CYSTM1: variants seen among roughly 807,000 people sequenced by gnomAD.
CYSTM1 encodes the protein cysteine rich transmembrane module containing 1.
A neutral mutation model predicts 13.1 loss-of-function variants in CYSTM1; 4 were observed. That is an observed-to-expected ratio of 0.31 (90% confidence interval 0.15 to 0.70). The LOEUF is 0.70. CYSTM1 is among the 30% of genes least tolerant of loss of function. The probability of loss-of-function intolerance (pLI) is 0.72; values close to 1 mark genes in which losing one functional copy is unlikely to be tolerated. For missense variants in CYSTM1, 96 were observed against 121.6 expected, an observed-to-expected ratio of 0.79 and a Z score of 0.99; for synonymous variants, 36 against 42.7, an observed-to-expected ratio of 0.84 and a Z score of 0.62.
In CYSTM1 at chr5:140,182,656, CCCAAACTACTTTGAGTT is replaced by C. The variant is rs1201080134; in HGVS notation, c.-21+7374_-21+7390del. Among the ~76,000 whole-genome samples the C allele has an allele frequency of 7.3e-5, 11 of 151,420 alleles. No homozygotes were observed. The East Asian group carries it at 2.1e-3, about 29-fold the overall frequency. Reference sequence around the variant, plus strand: ...TTTTTTTTTTTTAACTCATCAATAACCCAAACTACTTTGAGTTCCTTTCACATATAGAGAACTGTTTG... The same window carrying C: ...TTTTTTTTTTTTAACTCATCAATAACCCTTTCACATATAGAGAACTGTTTG... On this transcript the variant is annotated intron_variant, in intron 1 of 2. Coordinates refer to ENST00000261811, the MANE Select transcript of CYSTM1 (RefSeq NM_032412.4).
chr5:140,217,618 C>T (rs949423707), intron 2 of CYSTM1, among the ~76,000 whole-genome samples: 3 of 152,248 alleles, frequency 2.0e-5, no homozygotes, highest in South Asian at 2.1e-4. Context: ...ATTCAGAGTA[C>T]GCCAAGATCT....
chr5:140,209,536 TC>T (rs1764338673), intron 2 of CYSTM1, among the ~76,000 whole-genome samples: 1 of 152,112 alleles, frequency 6.6e-6, no homozygotes, highest in South Asian at 2.1e-4. Context: ...TTCAAGCGAT[TC>T]TCCTGCCTCA....
chr5:140,176,759 T>G (rs908639165), intron 1 of CYSTM1, among the ~76,000 whole-genome samples: 3 of 152,156 alleles, frequency 2.0e-5, no homozygotes, highest in Non-Finnish European at 4.4e-5. Context: ...ATACTATTTG[T>G]TGATTGTAGA....
chr5:140,243,180 G>T (rs532081033), intron 2 of CYSTM1, 125 bp from the exon 3 acceptor site: 3 of 739,352 alleles, frequency 4.1e-6, no homozygotes, highest in African/African-American at 3.5e-5. Context: ...GCAGGAACAC[G>T]GTTTCACCAG....
chr5:140,225,439 A>G (rs1764537430), intron 2 of CYSTM1, among the ~76,000 whole-genome samples: 1 of 152,220 alleles, frequency 6.6e-6, no homozygotes, highest in African/African-American at 2.4e-5. Flanking sequence ...GTCAGGATAC[A>G]GGAGGTGTCT....
chr5:140,186,045 T>C lies in CYSTM1; in HGVS notation c.-20-8401T>C, dbSNP rs115972917. Among the ~76,000 whole-genome samples the C allele has an allele frequency of 1.2e-3, 180 of 152,352 alleles. 4 individuals are homozygous for C. The highest frequency in any genetic ancestry group is 1.5e-3 in the Admixed American group (23 of 15,302). ...CTTAAAATTTGGAAAACTTCCAGCA[T>C]ATTCCATCTGATGCAATAGCAGACA... On this transcript the variant is annotated intron_variant, in intron 1 of 2. Coordinates refer to ENST00000261811, the MANE Select transcript of CYSTM1 (RefSeq NM_032412.4).
At chr5:140,214,174 C>T (rs1486910369) in intron 2 of CYSTM1, among the ~76,000 whole-genome samples, 1 of 152,214 alleles carries the variant, frequency 6.6e-6, no homozygotes, top group Admixed American at 6.5e-5. Flanking sequence ...AGGTCCAGCA[C>T]TTCAATGATG....
intron 2 of CYSTM1, 137 bp downstream of exon 2, chr5:140,194,789 A>T (rs1764135988): frequency 9.0e-7 from 1 of 1,109,108 alleles, no homozygotes; most frequent in Non-Finnish European, 1.3e-6. Context: ...ATGATGGCTT[A>T]GGGTGGATTC....
intron 2 of CYSTM1, among the ~76,000 whole-genome samples, chr5:140,212,555 C>T (rs1170513164): frequency 6.6e-6 from 1 of 152,130 alleles, no homozygotes; most frequent in Non-Finnish European, 1.5e-5. Flanking sequence ...GATCCTCCCA[C>T]CTCAGCCTCC....
intron 2 of CYSTM1, among the ~76,000 whole-genome samples, chr5:140,203,932 C>T (rs1764259379): frequency 6.6e-6 from 1 of 152,108 alleles, no homozygotes; most frequent in Admixed American, 6.6e-5. Context: ...AGACAGGAAC[C>T]GTGAATAGAT....
At chr5:140,242,545 C>T (rs1479828135) in intron 2 of CYSTM1, among the ~76,000 whole-genome samples, 1 of 152,152 alleles carries the variant, frequency 6.6e-6, no homozygotes, top group Non-Finnish European at 1.5e-5. Context: ...AAAATATGTC[C>T]TTATGGGAAG....
intron 1 of CYSTM1, among the ~76,000 whole-genome samples, chr5:140,190,969 T>C (rs1378701500): frequency 1.3e-5 from 2 of 152,234 alleles, no homozygotes; most frequent in African/African-American, 4.8e-5. Flanking sequence ...TATCATACCT[T>C]AAATTTAAAG....
chr5:140,226,287 A>C (rs1325828064), intron 2 of CYSTM1, among the ~76,000 whole-genome samples: 1 of 151,386 alleles, frequency 6.6e-6, no homozygotes, highest in Non-Finnish European at 1.5e-5. Flanking sequence ...TTACATGGCC[A>C]GTGAGTAGAT....
At chr5:140,235,722 C>T (rs1764673773) in intron 2 of CYSTM1, among the ~76,000 whole-genome samples, 1 of 152,166 alleles carries the variant, frequency 6.6e-6, no homozygotes, top group African/African-American at 2.4e-5. Context: ...ACATTTTGTC[C>T]TCTTCTCAAG....
chr5:140,192,950 G>C (rs1377174349), intron 1 of CYSTM1, among the ~76,000 whole-genome samples: 1 of 152,182 alleles, frequency 6.6e-6, no homozygotes, highest in African/African-American at 2.4e-5. Flanking sequence ...TGGATGTTGT[G>C]TGGGCAACCA....
chr5:140,201,117 C>G (rs1294924450), intron 2 of CYSTM1: 3 of 152,226 alleles, frequency 2.0e-5, no homozygotes, highest in Middle Eastern at 3.4e-3. Flanking sequence ...TACTTTATGG[C>G]TATTAGGAAT....
rs1354453874 is a variant in CYSTM1, at chr5:140,243,243, A to AC, written c.188-61dup. On this transcript the variant is annotated intron_variant, in intron 2 of 2. Coordinates refer to ENST00000261811, the MANE Select transcript of CYSTM1 (RefSeq NM_032412.4). ...GCCTTCCTGTGGTCCTGGGAGGCTA[A>AC]CTTTGCAGGGCCTGGGGTTTGCACC... is the stretch of plus-strand genomic sequence containing the variant. 35 of 1,452,950 alleles carry AC rather than the reference A, an allele frequency of 2.4e-5. No homozygotes were observed. The Middle Eastern group carries it at 7.0e-4, about 29-fold the overall frequency. The allele number at this position is 1,452,950 out of a possible 1,614,324, so 90.0% of individuals were successfully genotyped here.
intron 2 of CYSTM1, among the ~76,000 whole-genome samples, chr5:140,214,814 C>T (rs1322435228): frequency 2.6e-5 from 4 of 152,214 alleles, no homozygotes; most frequent in African/African-American, 4.8e-5. Flanking sequence ...GCTAACCAGG[C>T]ATTGTCGGGA....
At chr5:140,236,767 C>T (rs1338112140) in intron 2 of CYSTM1, among the ~76,000 whole-genome samples, 1 of 152,180 alleles carries the variant, frequency 6.6e-6, no homozygotes, top group African/African-American at 2.4e-5. Flanking sequence ...TCAGGTCTGC[C>T]CAACTCCCAA....
Sources: allele counts gnomAD v4.1 joint callset (sites outside exome capture counted in the v4.1 genomes callset), GRCh38; gene constraint gnomAD v4.1.1; transcripts MANE v1.5; gene names NCBI Gene and HGNC (gene_info 2026-07-23, HGNC 2026-07-21).